Variants in MAF observed in about 807,000 individuals in gnomAD.
The protein encoded by MAF is transcription factor Maf.
A neutral mutation model predicts 22.0 loss-of-function variants in MAF; 10 were observed. The observed-to-expected ratio is 0.45, with a 90% CI of 0.28 to 0.77. MAF has a LOEUF of 0.77. Ranked by LOEUF, MAF falls within the 30% of genes least tolerant of loss-of-function variation. MAF has a pLI of 0.12. For missense variants in MAF, 544 were observed against 548.4 expected (o/e 0.99, Z 0.08); for synonymous variants, 337 against 255.8 (o/e 1.32, Z -3.03).
chr16:79,239,321 A>G, the MAF span, among the ~76,000 whole-genome samples: 3 of 152,064 alleles, frequency 2.0e-5, no homozygotes, highest in East Asian at 1.9e-4. Flanking sequence ...TGGTTTGCTC[A>G]GAAGTGAGGA....
At chr16:79,210,673 G>A in the MAF span, among the ~76,000 whole-genome samples, 3 of 152,126 alleles carry the variant, frequency 2.0e-5, no homozygotes, top group East Asian at 3.9e-4. Flanking sequence ...TTAGAGACGT[G>A]CCGACCATGT....
chr16:79,415,091 C>T, the MAF span, among the ~76,000 whole-genome samples: 6 of 152,324 alleles, frequency 3.9e-5, no homozygotes, highest in South Asian at 1.0e-3. Flanking sequence ...GTGTGCCCTG[C>T]AGGAAGCGAG....
chr16:79,240,339 G>A, the MAF span, among the ~76,000 whole-genome samples: 2 of 150,932 alleles, frequency 1.3e-5, no homozygotes, highest in Non-Finnish European at 3.0e-5. Context: ...TGTATGCCTG[G>A]TGACATTTTA....
chr16:79,400,809 GTCGACTT>G, the MAF span, among the ~76,000 whole-genome samples: 32 of 152,352 alleles, frequency 2.1e-4, no homozygotes, highest in African/African-American at 7.5e-4. Context: ...AACTACAGCA[GTCGACTT>G]TCAACCTTTT....
the MAF span, among the ~76,000 whole-genome samples, chr16:79,219,630 C>T: frequency 1.3e-5 from 2 of 149,498 alleles, no homozygotes; most frequent in African/African-American, 4.9e-5. Context: ...AATGAGCAAA[C>T]CATTTGAATC....
At chr16:79,216,202 G>A in the MAF span, among the ~76,000 whole-genome samples, 3 of 152,058 alleles carry the variant, frequency 2.0e-5, no homozygotes, top group Non-Finnish European at 1.5e-5. Context: ...GTGCACATCT[G>A]TATATGTATA....
the MAF span, among the ~76,000 whole-genome samples, chr16:79,462,557 A>T: frequency 6.6e-6 from 1 of 152,180 alleles, no homozygotes; most frequent in Non-Finnish European, 1.5e-5. Flanking sequence ...ACATATATGC[A>T]CATATACATG....
the MAF span, among the ~76,000 whole-genome samples, chr16:79,489,060 G>A: frequency 6.6e-6 from 1 of 152,004 alleles, no homozygotes; most frequent in African/African-American, 2.4e-5. Context: ...AGAGAAACGT[G>A]GCAACTATTC....
downstream of MAF, among the ~76,000 whole-genome samples, chr16:79,581,376 G>C (rs1474582196): frequency 1.3e-5 from 2 of 152,114 alleles, no homozygotes; most frequent in African/African-American, 4.8e-5. Flanking sequence ...GCAACAAAAG[G>C]TCTCTATTTT....
chr16:79,376,973 A>T, the MAF span, among the ~76,000 whole-genome samples: 1 of 152,216 alleles, frequency 6.6e-6, no homozygotes, highest in African/African-American at 2.4e-5. Flanking sequence ...GAATAGTGCC[A>T]CAATAAACAT....
rs576413617 is a variant in MAF at position 79,596,080 on chromosome 16, C to T, written c.1119-1527G>A. On this transcript the variant is annotated intron_variant, in intron 1 of 1. Transcript: ENST00000326043. ...CGCTGTTTCTCTTTACCGTTCAATG[C>T]ATATGTGCGCAAGCCACCTCTGATG... is the stretch of plus-strand genomic sequence containing the variant. 9.4e-6 allele frequency: 10 copies of T among 1,062,212 alleles called. No individual in the cohort carries two copies. The East Asian group carries it at 4.6e-4, about 49-fold the overall frequency. The allele number at this position is 1,062,212 out of a possible 1,614,324, so 65.8% of individuals were successfully genotyped here. A position where few individuals can be genotyped will look rare whatever the true frequency, so the allele number is the denominator to read the frequency against.
chr16:79,462,251 C>T, the MAF span, among the ~76,000 whole-genome samples: 9 of 152,326 alleles, frequency 5.9e-5, no homozygotes, highest in East Asian at 1.3e-3. Context: ...TTTCTTCCCA[C>T]CAGTTCTATG....
At chr16:79,413,805 A>G in the MAF span, among the ~76,000 whole-genome samples, 1 of 152,200 alleles carries the variant, frequency 6.6e-6, no homozygotes, top group Admixed American at 6.5e-5. Context: ...CTACTCTGCC[A>G]GGGGAAGGGT....
At chr16:79,273,680 A>T in the MAF span, among the ~76,000 whole-genome samples, 7 of 82,942 alleles carry the variant, frequency 8.4e-5, no homozygotes, top group South Asian at 2.2e-3. Context: ...TTTCACTCTG[A>T]CCTCTTCTGC....
chr16:79,439,107 C>G, the MAF span, among the ~76,000 whole-genome samples: 1 of 152,106 alleles, frequency 6.6e-6, no homozygotes, highest in Non-Finnish European at 1.5e-5. Context: ...ACATCCTAAT[C>G]TAGGGCACTG....
the MAF span, among the ~76,000 whole-genome samples, chr16:79,312,325 T>C: frequency 1.3e-5 from 2 of 152,166 alleles, no homozygotes; most frequent in Non-Finnish European, 2.9e-5. Flanking sequence ...TGCACCCACA[T>C]TGATGGGTCA....
chr16:79,561,512 T>G, the MAF span, among the ~76,000 whole-genome samples: 1 of 143,886 alleles, frequency 6.9e-6, no homozygotes, highest in Non-Finnish European at 1.5e-5. Context: ...TTCCCCTTCC[T>G]GTGCCCACGT....
the MAF span, among the ~76,000 whole-genome samples, chr16:79,261,742 T>C: frequency 6.6e-6 from 1 of 152,120 alleles, no homozygotes; most frequent in Non-Finnish European, 1.5e-5. Context: ...AATGAGAAGT[T>C]CCTGCAGCAG....
the MAF span, among the ~76,000 whole-genome samples, chr16:79,563,401 G>A: frequency 6.6e-6 from 1 of 151,516 alleles, no homozygotes; most frequent in African/African-American, 2.4e-5. Flanking sequence ...GTTTCTTTCT[G>A]TTAAGTACAT....
Sources: allele counts gnomAD v4.1 joint callset (sites outside exome capture counted in the v4.1 genomes callset), GRCh38; gene constraint gnomAD v4.1.1; transcripts MANE v1.5; gene names NCBI Gene and HGNC (gene_info 2026-07-23, HGNC 2026-07-21).